UBR3: variants seen among roughly 807,000 people sequenced by gnomAD.
UBR3 encodes the protein E3 ubiquitin-protein ligase UBR3.
UBR3 carries 85 observed loss-of-function variants against 243.2 expected under a neutral mutation model. That is an observed-to-expected ratio of 0.35 (90% CI 0.29 to 0.42). The LOEUF is 0.42. UBR3 is among the 10% of genes least tolerant of loss of function. UBR3 has a pLI of 1.00. For missense variants in UBR3, 1,686 were observed against 2,300.8 expected (o/e 0.73, Z 5.47); for synonymous variants, 748 against 799.8 (o/e 0.94, Z 1.09).
intron 11 of UBR3, among the ~76,000 whole-genome samples, chr2:169,918,052 T>C (rs1223212678): frequency 6.6e-6 from 1 of 152,196 alleles, no homozygotes; most frequent in African/African-American, 2.4e-5. Context: ...TCCTCCTTTT[T>C]TTGTCATTGG....
chr2:169,963,620 TA>T (rs2087678415), intron 24 of UBR3, among the ~76,000 whole-genome samples: 1 of 152,174 alleles, frequency 6.6e-6, no homozygotes, highest in Admixed American at 6.5e-5. Flanking sequence ...GTTAATTTTT[TA>T]TAACAAAAGC....
Position 169,896,652 on chromosome 2 carries a change from C to T in UBR3, c.1382C>T (p.Thr461Ile). The change falls in exon 8 of 39, where the codon ACA becomes ATA. Residue 461 changes from threonine to isoleucine, a missense_variant. Coordinates refer to ENST00000272793, the MANE Select transcript of UBR3 (RefSeq NM_172070.4). ...AATGAGGAGCTAGCCAGACAGGTAACAGAAGAATGTCAGCTGCTGGATATT... is the reference window on the plus strand; with the variant it reads ...AATGAGGAGCTAGCCAGACAGGTAATAGAAGAATGTCAGCTGCTGGATATT... ...FSNEELARQV[T>I]EECQLLDIMV... The T allele has an allele frequency of 6.4e-7, 1 of 1,551,228 alleles. No individual in the cohort carries two copies. The highest frequency in any genetic ancestry group is 8.7e-7 in the Non-Finnish European group (1 of 1,146,784).
At chr2:169,871,964 TAAA>T (rs967524260) in intron 1 of UBR3, among the ~76,000 whole-genome samples, 1 of 151,718 alleles carries the variant, frequency 6.6e-6, no homozygotes, top group Non-Finnish European at 1.5e-5. Flanking sequence ...AAATTTCAGT[TAAA>T]AAAAAGTGCC....
chr2:169,927,846 A>T (rs890809222), intron 17 of UBR3, among the ~76,000 whole-genome samples: 1 of 152,228 alleles, frequency 6.6e-6, no homozygotes, highest in African/African-American at 2.4e-5. Context: ...ATTTGGTCTT[A>T]AAGGATTTTT....
Position 169,849,408 on chromosome 2 carries a change from T to G in UBR3, c.545+21356T>G, listed in dbSNP as rs185701960. Among the ~76,000 whole-genome samples the G allele has an allele frequency of 8.2e-4, 125 of 152,348 alleles. 1 individual carries two copies. Among genetic ancestry groups the G allele is most frequent in the Non-Finnish European group, 8.4e-4 (57 of 68,036 alleles). On this transcript the variant is annotated intron_variant, in intron 1 of 38. Transcript: ENST00000272793. ...TTGGTGACCATTGTTTGTGTCCACA[T>G]TCAGTTGAGTTCAAATTTAATATTT...
intron 10 of UBR3, among the ~76,000 whole-genome samples, chr2:169,911,136 T>A (rs914267681): frequency 3.3e-5 from 5 of 152,156 alleles, no homozygotes; most frequent in Non-Finnish European, 7.4e-5. Context: ...ACTACCCAGA[T>A]AGCTCAGTCA....
chr2:170,035,087 G>A (rs899070885), intron 31 of UBR3, among the ~76,000 whole-genome samples: 1 of 151,824 alleles, frequency 6.6e-6, no homozygotes, highest in African/African-American at 2.4e-5. Flanking sequence ...TTTATCAGAT[G>A]TGTCTTTTGC....
chr2:170,057,104 A>C (rs567251027), intron 33 of UBR3, among the ~76,000 whole-genome samples: 3 of 142,528 alleles, frequency 2.1e-5, no homozygotes, highest in Non-Finnish European at 4.6e-5. Context: ...TTTTGTAATT[A>C]TCTTTAGTTT....
At chr2:169,830,592 C>G (rs1007735169) in intron 1 of UBR3, among the ~76,000 whole-genome samples, 1 of 152,052 alleles carries the variant, frequency 6.6e-6, no homozygotes, top group Non-Finnish European at 1.5e-5. Context: ...AACCATTTCT[C>G]TTTACTGCCC....
At chr2:170,032,426 A>G (rs1265250036) in intron 31 of UBR3, among the ~76,000 whole-genome samples, 1 of 151,782 alleles carries the variant, frequency 6.6e-6, no homozygotes, top group African/African-American at 2.4e-5. Flanking sequence ...CCTCTACCAT[A>G]TGTAGACCTA....
intron 11 of UBR3, among the ~76,000 whole-genome samples, chr2:169,914,577 A>G (rs2085379261): frequency 6.6e-6 from 1 of 152,222 alleles, no homozygotes. Context: ...ATGGACTTGA[A>G]CAAAGGTGAT....
rs1234822469 is a variant in UBR3, at chr2:169,905,158, T to C, written c.1510T>C (p.Leu504=). ...LHVVVNCGEA[L]LKNNTYWPLV... ...TGTGGTAGTGAACTGTGGAGAAGCA[T>C]TACTGAAGAATAACACTTACTGGCC... The change falls in exon 9 of 39, where the codon TTA becomes CTA. Residue 504 remains leucine (L), a synonymous_variant. Transcript: ENST00000272793. The C allele has an allele frequency of 4.5e-6, 7 of 1,542,712 alleles. No homozygotes were observed. The highest frequency in any genetic ancestry group is 4.4e-6 in the Non-Finnish European group (5 of 1,143,240).
chr2:169,912,744 TGG>T (rs1213216797), intron 10 of UBR3, among the ~76,000 whole-genome samples: 1 of 152,056 alleles, frequency 6.6e-6, no homozygotes, highest in Non-Finnish European at 1.5e-5. Flanking sequence ...CTTGGTCTTA[TGG>T]TAACTCTATA....
chr2:169,948,672 C>G (rs1406210097), intron 22 of UBR3, among the ~76,000 whole-genome samples: 1 of 151,936 alleles, frequency 6.6e-6, no homozygotes, highest in African/African-American at 2.4e-5. Context: ...GCCTCTAATG[C>G]TGGTAGAGAG....
intron 1 of UBR3, among the ~76,000 whole-genome samples, chr2:169,865,349 AC>A (rs766548100): frequency 6.6e-5 from 10 of 152,190 alleles, no homozygotes; most frequent in Admixed American, 3.3e-4. Context: ...AATTACAAAA[AC>A]CAGTATTTTT....
At chr2:169,878,682 G>A in intron 5 of UBR3, 108 bp downstream of exon 5, 2 of 1,018,414 alleles carry the variant, frequency 2.0e-6, no homozygotes, top group South Asian at 1.8e-5. Flanking sequence ...AGATTTGTAG[G>A]CATTATGTAG....
At chr2:170,079,551 A>G (rs760458776) in intron 36 of UBR3, among the ~76,000 whole-genome samples, 21 of 152,346 alleles carry the variant, frequency 1.4e-4, no homozygotes, top group Non-Finnish European at 2.5e-4. Context: ...TTTTAAAGTA[A>G]TAACAAGTTT....
chr2:169,904,687 C>T (rs2084950379), intron 8 of UBR3, among the ~76,000 whole-genome samples: 1 of 151,936 alleles, frequency 6.6e-6, no homozygotes, highest in African/African-American at 2.4e-5. Context: ...CTCTTGAAAT[C>T]ATACAGATTT....
chr2:170,053,260 T>C (rs1028636529), intron 32 of UBR3, among the ~76,000 whole-genome samples: 1 of 152,122 alleles, frequency 6.6e-6, no homozygotes, highest in Non-Finnish European at 1.5e-5. Context: ...TTATGCCGAA[T>C]GTACCTGCTT....
Sources: gnomAD v4.1 joint callset for allele counts (sites outside exome capture counted in the v4.1 genomes callset) on GRCh38, gnomAD v4.1.1 for gene constraint, MANE v1.5 for transcripts, NCBI Gene and HGNC (gene_info 2026-07-23, HGNC 2026-07-21) for gene names.